The following ING5 variants were observed in gnomAD, a reference collection of about 807,000 sequenced individuals.
ING5 encodes the protein inhibitor of growth family member 5, also known as inhibitor of growth protein 5.
A neutral mutation model predicts 37.4 loss-of-function variants in ING5; 17 were observed. The observed-to-expected ratio is 0.45, with a 90% CI of 0.31 to 0.68. The LOEUF is 0.68. Among genes scored for constraint, ING5 ranks in the 30% least tolerant of loss-of-function variants. The probability of loss-of-function intolerance (pLI) is 0.05; values close to 1 mark genes in which losing one functional copy is unlikely to be tolerated. For missense variants in ING5, 233 were observed against 311.9 expected, an observed-to-expected ratio of 0.75 and a Z score of 1.91; for synonymous variants, 123 against 116.6, an observed-to-expected ratio of 1.06 and a Z score of -0.36.
rs555185982 is a variant in ING5, at chr2:241,692,878, C to A, written c.43+2225C>A. Reference sequence around the variant, plus strand: ...GTTAAACTCTTTCTCTGCTGCAAACCCTGCTGTCTGAGCATCATGGGTCTG... The same window carrying A: ...GTTAAACTCTTTCTCTGCTGCAAACACTGCTGTCTGAGCATCATGGGTCTG... On this transcript the variant is annotated intron_variant, in intron 2 of 7. Coordinates refer to the ING5 transcript ENST00000636051. Among the ~76,000 whole-genome samples the A allele has an allele frequency of 7.9e-5, 12 of 152,224 alleles. No individual in the cohort carries two copies. In the South Asian group the frequency reaches 2.3e-3, roughly 29 times the overall value.
At chr2:241,718,635 G>A (rs1274215429) in intron 5 of ING5, among the ~76,000 whole-genome samples, 8 of 151,618 alleles carry the variant, frequency 5.3e-5, no homozygotes, top group Non-Finnish European at 1.2e-4. Context: ...GGCTGGTCTC[G>A]AACTCCTGGC....
chr2:241,720,545 G>C (rs759931012), intron 5 of ING5: 2 of 984,884 alleles, frequency 2.0e-6, no homozygotes, highest in African/African-American at 3.5e-5. Context: ...GGCAGAACCT[G>C]TGTGTGTGGA....
chr2:241,687,021 T>G, upstream of ING5: 2 of 559,636 alleles, frequency 3.6e-6, no homozygotes, highest in East Asian at 7.2e-5. Context: ...TGGGGCCCCG[T>G]GTCCCGTGCG....
chr2:241,708,097 C>A (rs1239064886), intron 2 of ING5, among the ~76,000 whole-genome samples: 1 of 151,982 alleles, frequency 6.6e-6, no homozygotes, highest in Non-Finnish European at 1.5e-5. Context: ...GGGGTTTCAC[C>A]ACATTGGCCA....
intron 1 of ING5, among the ~76,000 whole-genome samples, chr2:241,688,328 T>C (rs1216137281): frequency 6.6e-6 from 1 of 152,230 alleles, no homozygotes; most frequent in Non-Finnish European, 1.5e-5. Context: ...CTGCCTCTGA[T>C]GTAGACCAAG....
At chr2:241,720,283 C>G in intron 5 of ING5, 5 of 1,228,040 alleles carry the variant, frequency 4.1e-6, no homozygotes, top group Non-Finnish European at 5.1e-6. Flanking sequence ...TGGGTATTCA[C>G]GCCCCTCGTG....
At chr2:241,717,221 C>G (rs1257242093) in intron 5 of ING5, among the ~76,000 whole-genome samples, 1 of 151,956 alleles carries the variant, frequency 6.6e-6, no homozygotes, top group Non-Finnish European at 1.5e-5. Flanking sequence ...ATTACACCCA[C>G]CTACTCACCT....
upstream of ING5, among the ~76,000 whole-genome samples, chr2:241,697,230 T>C (rs2069643714): frequency 2.6e-5 from 4 of 151,962 alleles, no homozygotes; most frequent in South Asian, 8.3e-4. Context: ...GGCCAGGAGA[T>C]CAAGACCATC....
chr2:241,690,462 CGTGAT>C, exon 2 of ING5: 1 of 393,980 alleles, frequency 2.5e-6, no homozygotes, highest in East Asian at 3.6e-5. Flanking sequence ...GGTGTTCCTG[CGTGAT>C]CAAAGGATGA....
Position 241,723,048 on chromosome 2 carries a change from G to A in ING5, c.592G>A (p.Glu198Lys). The change falls in exon 6 of 8, where the codon GAG becomes AAG. Residue 198 changes from glutamate to lysine, a missense_variant. Glu to Lys is a moderately conservative substitution (Grantham distance 56). Around this residue, in one of 4 missense-constraint regions of ING5, gnomAD observed 45 missense variants for 98.2 expected, o/e 0.46. Coordinates refer to ENST00000313552, the MANE Select transcript of ING5 (RefSeq NM_032329.6). ...CCTGTGCCACCAGGTCTCCTATGGG[G>A]AGATGATTGGCTGTGACAATCCAGA... ...YCLCHQVSYG[E>K]MIGCDNPDCP... 6.2e-7 allele frequency: 1 copy of A among 1,614,226 alleles called. No individual in the cohort carries two copies. Among genetic ancestry groups the A allele is most frequent in the Non-Finnish European group, 8.5e-7 (1 of 1,180,048 alleles).
intron 5 of ING5, chr2:241,722,707 C>T: frequency 2.0e-6 from 2 of 985,436 alleles, no homozygotes; most frequent in Non-Finnish European, 2.4e-6. Context: ...TGCATGACTG[C>T]AGTGGCTGGC....
At chr2:241,719,735 A>G (rs1575138787) in intron 5 of ING5, 4 of 1,465,978 alleles carry the variant, frequency 2.7e-6, no homozygotes, top group African/African-American at 1.4e-5. Context: ...GACCTCAGGA[A>G]CAGCCAGCAC....
chr2:241,704,406 A>G (rs1297220789), intron 1 of ING5, among the ~76,000 whole-genome samples: 3 of 152,160 alleles, frequency 2.0e-5, no homozygotes. Context: ...CGTCTCAACT[A>G]AAAATACAAA....
upstream of ING5, chr2:241,701,896 C>CCCCGCAG (rs564717621): frequency 0.052 from 18,196 of 347,522 alleles, 706 homozygotes; most frequent in African/African-American, 0.13. Context: ...TCCGCCCGGG[C>CCCCGCAG]CCCGCAGCCC....
exon 1 of ING5, chr2:241,688,022 C>T (rs2069476687): frequency 6.6e-6 from 1 of 152,198 alleles, no homozygotes; most frequent in Non-Finnish European, 1.5e-5. Context: ...GTAGTGTTTG[C>T]TGTTATCTTA....
At chr2:241,701,832 C>A (rs1036471719), upstream of ING5, among the ~76,000 whole-genome samples, 6 of 151,926 alleles carry the variant, frequency 3.9e-5, no homozygotes, top group Non-Finnish European at 7.4e-5. Flanking sequence ...TCCTCGGCCT[C>A]CGATCCGCTG....
At position 241,702,046 on chromosome 2, in the gene ING5, G is replaced by T. The variant is rs1423474929; in HGVS notation, c.-20G>T. 7.3e-7 allele frequency: 1 copy of T among 1,378,500 alleles called. No individual in the cohort carries two copies. The highest frequency in any genetic ancestry group is 9.4e-7 in the Non-Finnish European group (1 of 1,061,170). The allele number at this position is 1,378,500 out of a possible 1,614,324, so 85.4% of individuals were successfully genotyped here. A position where few individuals can be genotyped will look rare whatever the true frequency, so the allele number is the denominator to read the frequency against. On this transcript the variant is annotated 5_prime_UTR_variant, in exon 1 of 8. Coordinates refer to ENST00000313552, the MANE Select transcript of ING5 (RefSeq NM_032329.6). ...GGCACCGCCCGCCCGCGCAGACCCC[G>T]AGCGCGGCCGCGGACGAAGATGGCG...
In ING5 at chr2:241,718,960, T is replaced by C. The variant is rs537963084; in HGVS notation, c.483-3979T>C. Among the ~76,000 whole-genome samples the C allele has an allele frequency of 2.0e-5, 3 of 152,334 alleles. No individual in the cohort carries two copies. The South Asian group carries it at 6.2e-4, about 32-fold the overall frequency. ...TTTATTAGCTGTCTGACTTTAGATA[T>C]AAAGGAAGCGTGGAGAGGGAAATTT... On this transcript the variant is annotated intron_variant, in intron 5 of 7. Transcript: ENST00000313552.
At chr2:241,705,394 C>CTTTTTTTTTTTTTTTT (rs774566608) in intron 2 of ING5, among the ~76,000 whole-genome samples, 3 of 117,266 alleles carry the variant, frequency 2.6e-5, no homozygotes, top group African/African-American at 6.4e-5. Context: ...CTGTTTTTTT[C>CTTTTTTTTTTTTTTTT]TTTTTTTTTT....
Sources: gnomAD v4.1 joint callset for allele counts (sites outside exome capture counted in the v4.1 genomes callset) on GRCh38, gnomAD v4.1.1 for gene constraint, gnomAD v4.1.1 regional missense constraint, MANE v1.5 for transcripts, NCBI Gene and HGNC (gene_info 2026-07-23, HGNC 2026-07-21) for gene names.